SNTG2: variants seen among roughly 807,000 people sequenced by gnomAD.
The protein encoded by SNTG2 is syntrophin gamma 2.
A neutral mutation model predicts 70.9 loss-of-function variants in SNTG2; 74 were observed. That is an observed-to-expected ratio of 1.04 (90% CI 0.86 to 1.27). The LOEUF is 1.27. Among genes scored for constraint, SNTG2 ranks in the 50% most tolerant of loss-of-function variants. The pLI, the probability that SNTG2 is intolerant of heterozygous loss-of-function variation, is 0.00. For synonymous variants in SNTG2, 278 were observed against 273.8 expected, an observed-to-expected ratio of 1.02 and a Z score of -0.15; for missense variants, 717 against 690.7, an observed-to-expected ratio of 1.04 and a Z score of -0.43.
chr2:1,033,360 C>G (rs1457891480), intron 1 of SNTG2, among the ~76,000 whole-genome samples: 1 of 152,128 alleles, frequency 6.6e-6, no homozygotes, highest in Non-Finnish European at 1.5e-5. Context: ...GGTTGCTGGT[C>G]AGATCCAATT....
At chr2:1,284,187 A>C (rs1278984066) in intron 14 of SNTG2, among the ~76,000 whole-genome samples, 2 of 152,142 alleles carry the variant, frequency 1.3e-5, no homozygotes, top group Non-Finnish European at 2.9e-5. Context: ...CGCTGGTGGT[A>C]ATGTTTCTAT....
intron 16 of SNTG2, among the ~76,000 whole-genome samples, chr2:1,356,213 T>G (rs1425703800): frequency 6.6e-6 from 1 of 152,202 alleles, no homozygotes; most frequent in Non-Finnish European, 1.5e-5. Context: ...TGTCTACTTT[T>G]GCTTTTGTTG....
chr2:1,024,259 T>C (rs1660354680), intron 1 of SNTG2, among the ~76,000 whole-genome samples: 1 of 152,238 alleles, frequency 6.6e-6, no homozygotes, highest in Non-Finnish European at 1.5e-5. Context: ...AAAACAAATA[T>C]TTAAATAAAT....
intron 4 of SNTG2, among the ~76,000 whole-genome samples, chr2:1,120,275 A>G (rs1464959670): frequency 6.6e-6 from 1 of 152,192 alleles, no homozygotes; most frequent in Non-Finnish European, 1.5e-5. Context: ...TTATCTATCA[A>G]TAATTACTTT....
At chr2:1,320,548 A>G (rs1177392978) in intron 16 of SNTG2, among the ~76,000 whole-genome samples, 1 of 150,714 alleles carries the variant, frequency 6.6e-6, no homozygotes, top group African/African-American at 2.5e-5. Context: ...AAAAAAAAAA[A>G]AAAAGAAAGA....
At chr2:1,150,740 G>A (rs1255812179) in intron 6 of SNTG2, among the ~76,000 whole-genome samples, 1 of 152,192 alleles carries the variant, frequency 6.6e-6, no homozygotes, top group Non-Finnish European at 1.5e-5. Context: ...AATTTAGAGG[G>A]TCAGTATCTA....
rs557202738 is a variant in SNTG2, at chr2:1,135,428, A to T, written c.326-2194A>T. ...TTACCATAGGTATCATTTTAAAAAC[A>T]CATTACCTCGGCCAGGCGTGGTGGC... On this transcript the variant is annotated intron_variant, in intron 4 of 16. Coordinates refer to ENST00000308624, the MANE Select transcript of SNTG2 (RefSeq NM_018968.4). Among the ~76,000 whole-genome samples the T allele has an allele frequency of 2.4e-4, 37 of 152,306 alleles. No homozygotes were observed. The South Asian group carries it at 4.8e-3, about 20-fold the overall frequency.
intron 14 of SNTG2, among the ~76,000 whole-genome samples, chr2:1,273,392 G>T (rs1001052347): frequency 6.6e-6 from 1 of 152,100 alleles, no homozygotes; most frequent in Admixed American, 6.6e-5. Context: ...TCTGGTATTA[G>T]TAGTTGCTTG....
chr2:1,242,107 A>C (rs548611858), intron 11 of SNTG2, among the ~76,000 whole-genome samples: 2 of 152,320 alleles, frequency 1.3e-5, no homozygotes, highest in East Asian at 3.9e-4. Context: ...TAGGATGATG[A>C]AGAACTAGCC....
At chr2:1,237,674 G>T (rs1292132124) in intron 9 of SNTG2, among the ~76,000 whole-genome samples, 1 of 152,188 alleles carries the variant, frequency 6.6e-6, no homozygotes, top group African/African-American at 2.4e-5. Flanking sequence ...ATGTTTCATC[G>T]AATTAGAAGT....
intron 4 of SNTG2, among the ~76,000 whole-genome samples, chr2:1,110,862 T>A (rs2148247127): frequency 6.6e-6 from 1 of 152,366 alleles, no homozygotes; most frequent in Non-Finnish European, 1.5e-5. Context: ...AAATATTTGA[T>A]AGAGTCCTTC....
At chr2:1,288,546 T>A (rs1395745458) in intron 14 of SNTG2, among the ~76,000 whole-genome samples, 3 of 152,086 alleles carry the variant, frequency 2.0e-5, no homozygotes, top group Non-Finnish European at 2.9e-5. Flanking sequence ...GACACACACA[T>A]GCATTCACGT....
chr2:1,330,411 A>C (rs1659463372), intron 16 of SNTG2, among the ~76,000 whole-genome samples: 1 of 152,138 alleles, frequency 6.6e-6, no homozygotes, highest in Non-Finnish European at 1.5e-5. Flanking sequence ...CCTAGATGAG[A>C]CTATGGCAAA....
intron 14 of SNTG2, among the ~76,000 whole-genome samples, chr2:1,285,594 T>G (rs2148213971): frequency 6.6e-6 from 1 of 152,256 alleles, no homozygotes; most frequent in African/African-American, 2.4e-5. Context: ...AGAAATAAAA[T>G]GAAGATATTT....
chr2:953,395 G>T (rs1288821521), intron 1 of SNTG2, among the ~76,000 whole-genome samples: 1 of 152,252 alleles, frequency 6.6e-6, no homozygotes, highest in Non-Finnish European at 1.5e-5. Flanking sequence ...ATTGGCATGA[G>T]CCGGGAACAT....
chr2:1,137,425 C>T (rs1668462882), intron 4 of SNTG2, among the ~76,000 whole-genome samples, 197 bp from the exon 5 acceptor site: 1 of 151,890 alleles, frequency 6.6e-6, no homozygotes, highest in Non-Finnish European at 1.5e-5. Flanking sequence ...CCCACACCCA[C>T]ACATGCACAC....
intron 11 of SNTG2, among the ~76,000 whole-genome samples, chr2:1,244,927 C>T (rs1282182045): frequency 2.0e-5 from 3 of 151,838 alleles, no homozygotes; most frequent in African/African-American, 7.3e-5. Context: ...TGTGAAACCT[C>T]GCCTAATAAG....
At chr2:1,223,300 T>C (rs1675474189) in intron 9 of SNTG2, among the ~76,000 whole-genome samples, 1 of 149,902 alleles carries the variant, frequency 6.7e-6, no homozygotes, top group African/African-American at 2.4e-5. Context: ...TGCCTGCTGC[T>C]GGAGGTGCTG....
intron 4 of SNTG2, chr2:1,103,379 CTT>C (rs758261408): frequency 6.0e-5 from 15 of 248,074 alleles, no homozygotes; most frequent in South Asian, 2.1e-4. Context: ...TTATAAATTT[CTT>C]TTTTTTTTTA....
Sources: gnomAD v4.1 joint callset for allele counts (sites outside exome capture counted in the v4.1 genomes callset) on GRCh38, gnomAD v4.1.1 for gene constraint, MANE v1.5 for transcripts, NCBI Gene and HGNC (gene_info 2026-07-23, HGNC 2026-07-21) for gene names.